Variants in AGO1 observed in about 807,000 individuals in gnomAD.
AGO1 encodes argonaute RISC component 1, also known as protein argonaute-1.
Under a neutral mutation model 109.2 loss-of-function variants are expected in AGO1, and 11 were observed. That is an observed-to-expected ratio of 0.10 (90% CI 0.06 to 0.17). The LOEUF (loss-of-function observed/expected upper bound fraction) is 0.17. Ranked by LOEUF, AGO1 falls within the 10% of genes least tolerant of loss-of-function variation. The pLI, the probability that AGO1 is intolerant of heterozygous loss-of-function variation, is 1.00. For missense variants in AGO1, 574 were observed against 1,140.3 expected (o/e 0.50, Z 7.15); for synonymous variants, 422 against 418.6 (o/e 1.01, Z -0.10).
In AGO1 at chr1:35,901,761, C is replaced by G. The variant is rs138457520; in HGVS notation, c.1140+168C>G. 6.6e-5 allele frequency among the ~76,000 whole-genome samples: 10 copies of G among 152,342 alleles called. No homozygotes were observed. The highest frequency in any genetic ancestry group is 1.3e-4 in the Admixed American group (2 of 15,302). On this transcript the variant is annotated intron_variant, in intron 9 of 18. Coordinates refer to ENST00000373204, the MANE Select transcript of AGO1 (RefSeq NM_012199.5). The surrounding 1 kb of genome is among the most constrained non-coding windows in gnomAD (Gnocchi z 4.8). Reference sequence around the variant, plus strand: ...CGTATAGCTACTTTGCTTTCTGTCTCTTTTTCTCTCCTGTATTACTTTGCT... The same window carrying G: ...CGTATAGCTACTTTGCTTTCTGTCTGTTTTTCTCTCCTGTATTACTTTGCT...
At chr1:35,912,998 C>T (rs1007437627) in intron 12 of AGO1, among the ~76,000 whole-genome samples, 3 of 151,892 alleles carry the variant, frequency 2.0e-5, no homozygotes, top group Non-Finnish European at 2.9e-5. Context: ...TGTTTTTCTC[C>T]GTCTCAACAA....
intron 8 of AGO1, among the ~76,000 whole-genome samples, chr1:35,895,739 G>C (rs886943491): frequency 3.3e-5 from 5 of 152,160 alleles, no homozygotes; most frequent in African/African-American, 1.2e-4. Context: ...ACTTTTATAA[G>C]TCAGTAGACC....
At position 35,888,334 on chromosome 1, in the gene AGO1, C is replaced by T. The variant is rs1038526988; in HGVS notation, c.26-93C>T. On this transcript the variant is annotated intron_variant, in intron 1 of 18. Coordinates refer to ENST00000373204, the MANE Select transcript of AGO1 (RefSeq NM_012199.5). This position sits in a 1 kb window ranked among gnomAD's most constrained non-coding sequence, Gnocchi z 4.1. ...AGGAAAGAGGCATTCTCTATACTCT[C>T]GTGTTCCTGTTCTGGGAGGCCTTGT... 2.2e-5 allele frequency: 30 copies of T among 1,334,444 alleles called. No individual in the cohort carries two copies. Among genetic ancestry groups the T allele is most frequent in the African/African-American group, 5.8e-5 (4 of 68,810 alleles). 82.7% of individuals were successfully genotyped at this position (1,334,444 alleles called of 1,614,324 possible). A position where few individuals can be genotyped will look rare whatever the true frequency, so the allele number is the denominator to read the frequency against.
intron 14 of AGO1, among the ~76,000 whole-genome samples, chr1:35,914,757 T>C (rs777025861): frequency 3.3e-5 from 5 of 152,232 alleles, no homozygotes; most frequent in East Asian, 1.9e-4. Context: ...TTCCCACTTA[T>C]ATTTCCTAAA....
At position 35,929,962 on chromosome 1, in the gene AGO1, G is replaced by C. The variant is rs1646003040; in HGVS notation, c.*10355G>C. 1 of 152,086 alleles carries C rather than the reference G, an allele frequency of 6.6e-6. No individual in the cohort carries two copies. Among genetic ancestry groups the C allele is most frequent in the African/African-American group, 2.4e-5 (1 of 41,404 alleles). The allele number at this position is 152,086 out of a possible 1,614,324, so 9.4% of individuals were successfully genotyped here. ...AAGTCCCACAGTGAGGGGAACTGAA[G>C]ATAGGATATTCTTTCTCCTTTTCCT... On this transcript the variant is annotated 3_prime_UTR_variant, in exon 19 of 19. Transcript: ENST00000373204.
At chr1:35,909,157 T>A (rs1280216508) in intron 12 of AGO1, among the ~76,000 whole-genome samples, 3 of 152,186 alleles carry the variant, frequency 2.0e-5, no homozygotes, top group Non-Finnish European at 4.4e-5. Context: ...AGACTTCTTG[T>A]GACTCTAATA....
intron 1 of AGO1, among the ~76,000 whole-genome samples, chr1:35,885,156 C>G (rs1378512084): frequency 6.6e-6 from 1 of 152,086 alleles, no homozygotes; most frequent in Admixed American, 6.5e-5. Context: ...TGAGTACTTC[C>G]TCTCTGTCAG....
At chr1:35,914,099 G>T in intron 13 of AGO1, 85 bp from the exon 14 acceptor site, 3 of 1,594,126 alleles carry the variant, frequency 1.9e-6, no homozygotes, top group Non-Finnish European at 2.6e-6. Flanking sequence ...CAGACATAAG[G>T]GGGAGAAGAG....
In AGO1 at chr1:35,927,068, CT is replaced by C. The variant is rs935320290; in HGVS notation, c.*7465del. On this transcript the variant is annotated 3_prime_UTR_variant, in exon 19 of 19. Transcript: ENST00000373204. The stretch of plus-strand genomic sequence containing the variant: ...TTCCTCTTAAAAGAGACAGTGGGAA[CT>C]TTTAGCCAGGTTTTTGGAAAAGGCC... 1 of 150,588 alleles carries C rather than the reference CT, an allele frequency of 6.6e-6. No homozygotes were observed. The highest frequency in any genetic ancestry group is 2.4e-5 in the African/African-American group (1 of 40,880). The allele number at this position is 150,588 out of a possible 1,614,324, so 9.3% of individuals were successfully genotyped here.
rs1215065727 is a variant in AGO1, at chr1:35,925,079, T to C, written c.*5472T>C. 2 of 152,046 alleles carry C rather than the reference T, an allele frequency of 1.3e-5. No homozygotes were observed. Among genetic ancestry groups the C allele is most frequent in the East Asian group, 1.9e-4 (1 of 5,190 alleles). 9.4% of individuals were successfully genotyped at this position (152,046 alleles called of 1,614,324 possible). A position where few individuals can be genotyped will look rare whatever the true frequency, so the allele number is the denominator to read the frequency against. On this transcript the variant is annotated 3_prime_UTR_variant, in exon 19 of 19. Transcript: ENST00000373204. ...GGTGACAGATCACTGGTAGACAGTT[T>C]GTGGGTTTTTTGTTTCTTTGTTTAG...
rs1645892172 is a variant in AGO1, at chr1:35,924,562, T to G, written c.*4955T>G. On this transcript the variant is annotated 3_prime_UTR_variant, in exon 19 of 19. Coordinates refer to ENST00000373204, the MANE Select transcript of AGO1 (RefSeq NM_012199.5). ...TTGGTGGGGGATATGATTAGCCAAA[T>G]AGTCCCCTGGCATAGGAGGAAGATA... 6.6e-6 allele frequency: 1 copy of G among 152,118 alleles called. No homozygotes were observed. Among genetic ancestry groups the G allele is most frequent in the Non-Finnish European group, 1.5e-5 (1 of 68,026 alleles). 9.4% of individuals were successfully genotyped at this position (152,118 alleles called of 1,614,324 possible). A position where few individuals can be genotyped will look rare whatever the true frequency, so the allele number is the denominator to read the frequency against.
chr1:35,885,956 GCTAAC>G lies in AGO1; in HGVS notation c.26-2453_26-2449del, dbSNP rs889675080. Among the ~76,000 whole-genome samples the G allele has an allele frequency of 3.3e-5, 5 of 152,326 alleles. No homozygotes were observed. In the East Asian group the frequency reaches 9.6e-4, roughly 29 times the overall value. ...CTTGTTAGTCTTTGCTTGCCCACCA[GCTAAC>G]CTAACCTAACCTAACCTTGAATTTG... On this transcript the variant is annotated intron_variant, in intron 1 of 18. Coordinates refer to ENST00000373204, the MANE Select transcript of AGO1 (RefSeq NM_012199.5).
intron 11 of AGO1, among the ~76,000 whole-genome samples, chr1:35,902,861 T>C (rs1645444251): frequency 6.6e-6 from 1 of 152,140 alleles, no homozygotes; most frequent in African/African-American, 2.4e-5. Flanking sequence ...ATAGAGCAGC[T>C]TGTTTAGCTG....
At chr1:35,902,151 A>T in intron 10 of AGO1, 53 bp from the exon 11 acceptor site, 1 of 1,594,470 alleles carries the variant, frequency 6.3e-7, no homozygotes, top group Non-Finnish European at 8.6e-7. Flanking sequence ...TTGCTCCCCT[A>T]CCCACCTGAC....
At chr1:35,916,871 C>T (rs1645745113) in intron 15 of AGO1, among the ~76,000 whole-genome samples, 1 of 152,312 alleles carries the variant, frequency 6.6e-6, no homozygotes, top group East Asian at 1.9e-4. Flanking sequence ...TTCTTAATAG[C>T]TTTGTGAAGC....
rs1367212903 is a variant in AGO1, at chr1:35,922,154, T to C, written c.*2547T>C. The C allele has an allele frequency of 6.5e-6, 1 of 152,722 alleles. No homozygotes were observed. Among genetic ancestry groups the C allele is most frequent in the Non-Finnish European group, 1.5e-5 (1 of 68,078 alleles). The allele number at this position is 152,722 out of a possible 1,614,324, so 9.5% of individuals were successfully genotyped here. A position where few individuals can be genotyped will look rare whatever the true frequency, so the allele number is the denominator to read the frequency against. ...GTTTGTGTTCTCTCCTTTTCTCTCT[T>C]TGCCTCACTCTCTCCAGTTGGTTTT... On this transcript the variant is annotated 3_prime_UTR_variant, in exon 19 of 19. Transcript: ENST00000373204.
rs1488390585 is a variant in AGO1, at chr1:35,921,978, G to A, written c.*2371G>A. On this transcript the variant is annotated 3_prime_UTR_variant, in exon 19 of 19. Transcript: ENST00000373204. ...GTGTTCTGTCACCCTTTGGGGAGGG[G>A]AGTTCTCCTGGGACAGTGGGCTCTG... 6.5e-6 allele frequency: 1 copy of A among 152,768 alleles called. No individual in the cohort carries two copies. The highest frequency in any genetic ancestry group is 2.4e-5 in the African/African-American group (1 of 41,470). 9.5% of individuals were successfully genotyped at this position (152,768 alleles called of 1,614,324 possible).
intron 8 of AGO1, among the ~76,000 whole-genome samples, chr1:35,899,607 C>A (rs1645379777): frequency 6.6e-6 from 1 of 152,234 alleles, no homozygotes; most frequent in Non-Finnish European, 1.5e-5. Context: ...AGAGAGCAAT[C>A]TCACAAATTT....
At chr1:35,907,671 C>T (rs1472465702) in intron 12 of AGO1, among the ~76,000 whole-genome samples, 1 of 152,068 alleles carries the variant, frequency 6.6e-6, no homozygotes. Context: ...TTTTTCTTAC[C>T]TTGTTCAACT....
Sources: gnomAD v4.1 joint callset for allele counts (sites outside exome capture counted in the v4.1 genomes callset) on GRCh38, gnomAD v4.1.1 for gene constraint, Gnocchi (gnomAD v3.1) non-coding constraint, MANE v1.5 for transcripts, NCBI Gene and HGNC (gene_info 2026-07-23, HGNC 2026-07-21) for gene names.